UNC5D: variants seen among roughly 807,000 people sequenced by gnomAD.
UNC5D encodes the protein unc-5 netrin receptor D.
Under a neutral mutation model 105.4 loss-of-function variants are expected in UNC5D, and 39 were observed. That is an observed-to-expected ratio of 0.37 (90% CI 0.29 to 0.48). The LOEUF is 0.48. Among genes scored for constraint, UNC5D ranks in the 20% least tolerant of loss-of-function variants. The probability of loss-of-function intolerance (pLI) is 0.98; values close to 1 mark genes in which losing one functional copy is unlikely to be tolerated. For missense variants in UNC5D, 991 were observed against 1,202.4 expected (o/e 0.82, Z 2.60); for synonymous variants, 452 against 450.4 (o/e 1.00, Z -0.04).
chr8:35,567,492 A>T (rs1376808910), intron 2 of UNC5D, among the ~76,000 whole-genome samples: 2 of 149,544 alleles, frequency 1.3e-5, no homozygotes, highest in African/African-American at 4.9e-5. Context: ...CCCATCGCTT[A>T]AAAAAAAAAT....
chr8:35,794,397 T>A lies in UNC5D; in HGVS notation c.*3834T>A, dbSNP rs1258262662. The A allele has an allele frequency of 6.6e-6, 1 of 152,224 alleles. No homozygotes were observed. The highest frequency in any genetic ancestry group is 1.5e-5 in the Non-Finnish European group (1 of 68,020). The allele number at this position is 152,224 out of a possible 1,614,324, so 9.4% of individuals were successfully genotyped here. A position where few individuals can be genotyped will look rare whatever the true frequency, so the allele number is the denominator to read the frequency against. Reference sequence around the variant, plus strand: ...CTCATGAAACATTGCAGAGTTTGAATCCTCAGTAACTCTCATTGACTGGAT... The same window carrying A: ...CTCATGAAACATTGCAGAGTTTGAAACCTCAGTAACTCTCATTGACTGGAT... On this transcript the variant is annotated 3_prime_UTR_variant, in exon 17 of 17. Transcript: ENST00000404895.
chr8:35,462,403 G>A (rs1808967193), intron 1 of UNC5D, among the ~76,000 whole-genome samples: 1 of 152,072 alleles, frequency 6.6e-6, no homozygotes, highest in Admixed American at 6.5e-5. Flanking sequence ...ATTCTTCTGT[G>A]TGTTACAATA....
At chr8:35,612,179 T>C (rs936034990) in intron 4 of UNC5D, among the ~76,000 whole-genome samples, 1 of 152,214 alleles carries the variant, frequency 6.6e-6, no homozygotes, top group Admixed American at 6.5e-5. Context: ...GCACTATTCT[T>C]GTTTTTAATC....
At chr8:35,638,465 T>C (rs1822517890) in intron 4 of UNC5D, among the ~76,000 whole-genome samples, 1 of 151,960 alleles carries the variant, frequency 6.6e-6, no homozygotes, top group Non-Finnish European at 1.5e-5. Context: ...TTTTTATGTG[T>C]AGTTGTTTGC....
intron 1 of UNC5D, among the ~76,000 whole-genome samples, chr8:35,314,843 C>T (rs569581684): frequency 6.6e-6 from 1 of 152,188 alleles, no homozygotes; most frequent in East Asian, 1.9e-4. Flanking sequence ...AACAGTACAA[C>T]ATGGAAACAC....
intron 16 of UNC5D, among the ~76,000 whole-genome samples, chr8:35,788,204 T>C (rs1044876308): frequency 9.3e-5 from 14 of 150,776 alleles, no homozygotes; most frequent in Non-Finnish European, 1.3e-4. Flanking sequence ...TGTGTGTGTG[T>C]GCGTGCATGC....
intron 16 of UNC5D, among the ~76,000 whole-genome samples, chr8:35,776,394 A>G (rs1286840720): frequency 6.6e-6 from 1 of 152,246 alleles, no homozygotes; most frequent in Non-Finnish European, 1.5e-5. Context: ...CTACCTTATT[A>G]CATTTTATTC....
chr8:35,301,610 G>C (rs1807963434), intron 1 of UNC5D, among the ~76,000 whole-genome samples: 1 of 152,086 alleles, frequency 6.6e-6, no homozygotes, highest in African/African-American at 2.4e-5. Flanking sequence ...GTATTGAGTT[G>C]GCTGCCTCTG....
chr8:35,653,590 C>A lies in UNC5D; in HGVS notation c.571-29957C>A, dbSNP rs574992575. 3.9e-5 allele frequency among the ~76,000 whole-genome samples: 6 copies of A among 152,248 alleles called. No individual in the cohort carries two copies. In the South Asian group the frequency reaches 1.2e-3, roughly 32 times the overall value. On this transcript the variant is annotated intron_variant, in intron 4 of 16. Transcript: ENST00000404895. ...TGCTCCTGTGCACAATCTTTTGTTTCTTTGTCTCTTGGTGCTACTTTGCAT... is the reference window on the plus strand; with the variant it reads ...TGCTCCTGTGCACAATCTTTTGTTTATTTGTCTCTTGGTGCTACTTTGCAT...
At chr8:35,238,522 T>G (rs1227647928) in intron 1 of UNC5D, among the ~76,000 whole-genome samples, 1 of 152,208 alleles carries the variant, frequency 6.6e-6, no homozygotes, top group Non-Finnish European at 1.5e-5. Context: ...AGGAGGTTGT[T>G]TAAAAGTTAT....
At chr8:35,450,682 T>A (rs1403057970) in intron 1 of UNC5D, among the ~76,000 whole-genome samples, 2 of 152,200 alleles carry the variant, frequency 1.3e-5, no homozygotes, top group African/African-American at 4.8e-5. Context: ...AACTACAGAT[T>A]GTCTCTGAAT....
chr8:35,319,173 A>G (rs1020771890), intron 1 of UNC5D, among the ~76,000 whole-genome samples: 3 of 152,092 alleles, frequency 2.0e-5, no homozygotes, highest in African/African-American at 2.4e-5. Context: ...CCCCCTTTGT[A>G]TGAGTTATAA....
At chr8:35,764,880 G>A (rs1436490225) in intron 14 of UNC5D, among the ~76,000 whole-genome samples, 4 of 152,170 alleles carry the variant, frequency 2.6e-5, no homozygotes, top group African/African-American at 9.7e-5. Context: ...CTAAAATAAT[G>A]TCTTCAAGGA....
At chr8:35,340,463 G>T (rs1033947253) in intron 1 of UNC5D, among the ~76,000 whole-genome samples, 3 of 152,134 alleles carry the variant, frequency 2.0e-5, no homozygotes, top group East Asian at 1.9e-4. Flanking sequence ...TCACTAGTTT[G>T]GTGTGCTTGA....
At chr8:35,503,367 T>C (rs1056674792) in intron 1 of UNC5D, among the ~76,000 whole-genome samples, 1 of 152,106 alleles carries the variant, frequency 6.6e-6, no homozygotes, top group Non-Finnish European at 1.5e-5. Flanking sequence ...GAGAGCCGCG[T>C]CAAAGGGAAA....
chr8:35,623,233 A>G (rs780621361), intron 4 of UNC5D, among the ~76,000 whole-genome samples: 1 of 152,100 alleles, frequency 6.6e-6, no homozygotes, highest in Non-Finnish European at 1.5e-5. Context: ...AAGCCTGGGG[A>G]GGACTTGGTC....
intron 1 of UNC5D, among the ~76,000 whole-genome samples, chr8:35,273,280 T>G (rs140820091): frequency 6.6e-6 from 1 of 152,340 alleles, no homozygotes; most frequent in Admixed American, 6.5e-5. Flanking sequence ...ATTAAAACGA[T>G]TATAAGAGTT....
At chr8:35,521,826 A>G (rs945010284) in intron 1 of UNC5D, among the ~76,000 whole-genome samples, 1 of 152,236 alleles carries the variant, frequency 6.6e-6, no homozygotes, top group Non-Finnish European at 1.5e-5. Context: ...AAAAGGTTAC[A>G]TGATATTTTA....
intron 1 of UNC5D, among the ~76,000 whole-genome samples, chr8:35,269,639 T>G (rs1023337961): frequency 1.3e-5 from 2 of 152,256 alleles, no homozygotes; most frequent in African/African-American, 4.8e-5. Context: ...TTCTTCTGTT[T>G]GGCACAATGC....
Sources: gnomAD v4.1 joint callset for allele counts (sites outside exome capture counted in the v4.1 genomes callset) on GRCh38, gnomAD v4.1.1 for gene constraint, MANE v1.5 for transcripts, NCBI Gene and HGNC (gene_info 2026-07-23, HGNC 2026-07-21) for gene names.